Variants in MOB2 observed in about 807,000 individuals in gnomAD.
MOB2 encodes the protein MOB kinase activator 2.
In MOB2, 14 loss-of-function variants were observed where a neutral mutation model predicts 27.4. The ratio of observed to expected loss-of-function variants is 0.51; its 90% CI spans 0.34 to 0.80. The LOEUF is 0.80. MOB2 is among the 30% of genes least tolerant of loss of function. The pLI is 0.01. For synonymous variants in MOB2, 167 were observed against 151.8 expected, an observed-to-expected ratio of 1.10 and a Z score of -0.74; for missense variants, 304 against 354.6, an observed-to-expected ratio of 0.86 and a Z score of 1.15.
At chr11:1,473,854 G>A (rs1363479131) in intron 3 of MOB2, among the ~76,000 whole-genome samples, 4 of 152,240 alleles carry the variant, frequency 2.6e-5, no homozygotes, top group African/African-American at 9.6e-5. Flanking sequence ...TGTGCCCCCA[G>A]CACCCCGGGG....
chr11:1,470,934 CCCA>C (rs1233887863), intron 4 of MOB2, among the ~76,000 whole-genome samples: 1 of 152,270 alleles, frequency 6.6e-6, no homozygotes, highest in Non-Finnish European at 1.5e-5. Flanking sequence ...GGCGTGGAGC[CCCA>C]CCACATCCCA....
intron 1 of MOB2, 46 bp downstream of exon 1, chr11:1,486,401 C>T: frequency 2.1e-6 from 3 of 1,413,768 alleles, no homozygotes; most frequent in Non-Finnish European, 1.9e-6. Context: ...ACAGGGCAGA[C>T]AGATGTGCTA....
In MOB2 at chr11:1,470,049, A is replaced by C; in HGVS notation, c.*123T>G. On this transcript the variant is annotated 3_prime_UTR_variant, in exon 5 of 5. Coordinates refer to ENST00000329957, the MANE Select transcript of MOB2 (RefSeq NM_001172223.3). Reference sequence around the variant, plus strand: ...GTGCCTGTGCAGCCCACACCAGTGCAGCCCGGGGCCCTCTCAGACCTCACC... The same window carrying C: ...GTGCCTGTGCAGCCCACACCAGTGCCGCCCGGGGCCCTCTCAGACCTCACC... 6.5e-7 allele frequency: 1 copy of C among 1,536,898 alleles called. No homozygotes were observed. The highest frequency in any genetic ancestry group is 2.4e-5 in the East Asian group (1 of 40,902).
chr11:1,474,724 G>C (rs972438654), intron 3 of MOB2, among the ~76,000 whole-genome samples: 2 of 152,014 alleles, frequency 1.3e-5, no homozygotes, highest in African/African-American at 4.8e-5. Flanking sequence ...CCATCCACAC[G>C]TTTGTGTGGG....
At chr11:1,483,046 G>A (rs553674703) in intron 1 of MOB2, among the ~76,000 whole-genome samples, 6 of 152,324 alleles carry the variant, frequency 3.9e-5, no homozygotes, top group East Asian at 1.9e-4. Flanking sequence ...CACTCTTCTC[G>A]TCCTTAGTCA....
In MOB2 at chr11:1,470,105, C is replaced by T. The variant is rs1249338516; in HGVS notation, c.*67G>A. The T allele has an allele frequency of 6.5e-7, 1 of 1,548,226 alleles. No homozygotes were observed. On this transcript the variant is annotated 3_prime_UTR_variant, in exon 5 of 5. Coordinates refer to ENST00000329957, the MANE Select transcript of MOB2 (RefSeq NM_001172223.3). Reference sequence around the variant, plus strand: ...CGTGCCCAGCACATGTGTGCACACGCAGATGCAGGAGAGAACACACACCAC... The same window carrying T: ...CGTGCCCAGCACATGTGTGCACACGTAGATGCAGGAGAGAACACACACCAC...
chr11:1,473,709 T>C (rs1422922760), intron 3 of MOB2, among the ~76,000 whole-genome samples: 3 of 152,262 alleles, frequency 2.0e-5, no homozygotes, highest in Non-Finnish European at 2.9e-5. Flanking sequence ...CACCACTGTT[T>C]CCTGTACTTC....
chr11:1,473,578 T>TGTGCGACA (rs1442494722), intron 3 of MOB2: 2 of 152,208 alleles, frequency 1.3e-5, no homozygotes, highest in African/African-American at 4.8e-5. Flanking sequence ...TGGCCACAGG[T>TGTGCGACA]GTGCGACAGG....
At chr11:1,471,467 C>G in intron 3 of MOB2, 48 bp from the exon 4 acceptor site, 1 of 1,572,726 alleles carries the variant, frequency 6.4e-7, no homozygotes, top group Non-Finnish European at 8.7e-7. Flanking sequence ...TGCACACCCA[C>G]CCAGCCACTG....
chr11:1,469,768 C>A lies in MOB2; in HGVS notation c.*404G>T, dbSNP rs1252498913. 1.0e-5 allele frequency: 5 copies of A among 479,736 alleles called. No homozygotes were observed. Among genetic ancestry groups the A allele is most frequent in the Admixed American group, 2.3e-5 (1 of 43,126 alleles). The allele number at this position is 479,736 out of a possible 1,614,324, so 29.7% of individuals were successfully genotyped here. On this transcript the variant is annotated 3_prime_UTR_variant, in exon 5 of 5. Coordinates refer to ENST00000329957, the MANE Select transcript of MOB2 (RefSeq NM_001172223.3). Reference sequence around the variant, plus strand: ...GTCTCTGTGAAAGCAAGCCCCACCCCCAGAGCAGAGCAGAGACCCAGGTCT... The same window carrying A: ...GTCTCTGTGAAAGCAAGCCCCACCCACAGAGCAGAGCAGAGACCCAGGTCT...
chr11:1,478,086 C>T (rs1847871619), intron 3 of MOB2, among the ~76,000 whole-genome samples: 1 of 152,274 alleles, frequency 6.6e-6, no homozygotes, highest in South Asian at 2.1e-4. Context: ...CTCAACCCCA[C>T]ATGCTCTCCA....
Position 1,471,433 on chromosome 11 carries a change from G to C in MOB2, c.366-14C>G. On this transcript the variant is annotated splice_polypyrimidine_tract_variant and intron_variant, in intron 3 of 4. Transcript: ENST00000329957. ...CAGTAGTACTGTCTGTGGAGACAGA[G>C]ACACGGTCAGGGCATGCGCCCGCTG... 1 of 1,606,714 alleles carries C rather than the reference G, an allele frequency of 6.2e-7. No homozygotes were observed. Among genetic ancestry groups the C allele is most frequent in the Admixed American group, 1.7e-5 (1 of 59,696 alleles).
At position 1,471,367 on chromosome 11, in the gene MOB2, G is replaced by A; in HGVS notation, c.418C>T (p.Gln140Ter). 6.2e-7 allele frequency: 1 copy of A among 1,613,578 alleles called. No homozygotes were observed. The highest frequency in any genetic ancestry group is 8.5e-7 in the Non-Finnish European group (1 of 1,179,826). The change falls in exon 4 of 5, where the codon CAG becomes TAG. Residue 140 changes from glutamine to a stop codon, truncating the protein, a stop_gained. Coordinates refer to ENST00000329957, the MANE Select transcript of MOB2 (RefSeq NM_001172223.3). LOFTEE classifies it high-confidence loss of function. The part of the protein sequence containing the change: ...RGKKVKCTAP[Q>*]YVDFVMSSVQ... ...GAGCTCATGACGAAGTCAACGTACT[G>A]TGGGGCCGTGCACTTGACCTTCTTC... is the stretch of plus-strand genomic sequence containing the variant.
intron 3 of MOB2, among the ~76,000 whole-genome samples, chr11:1,476,314 C>T (rs986201757): frequency 1.6e-4 from 25 of 152,210 alleles, no homozygotes; most frequent in African/African-American, 3.1e-4. Flanking sequence ...CTATCTTAGG[C>T]GAGTTCTGAT....
intron 3 of MOB2, among the ~76,000 whole-genome samples, chr11:1,476,621 T>C (rs965767311): frequency 2.6e-5 from 4 of 152,236 alleles, no homozygotes; most frequent in African/African-American, 9.6e-5. Flanking sequence ...GTGCTTTCTG[T>C]TCTTATTTAC....
At position 1,486,359 on chromosome 11, in the gene MOB2, TC is replaced by T. The variant is rs1847969870; in HGVS notation, c.110+87del. The T allele has an allele frequency of 4.8e-6, 5 of 1,045,338 alleles. No homozygotes were observed. In the Admixed American group the frequency reaches 8.2e-5, roughly 17 times the overall value. The allele number at this position is 1,045,338 out of a possible 1,614,324, so 64.8% of individuals were successfully genotyped here. On this transcript the variant is annotated intron_variant, in intron 1 of 4. Coordinates refer to ENST00000329957, the MANE Select transcript of MOB2 (RefSeq NM_001172223.3). The stretch of plus-strand genomic sequence containing the variant: ...GCAGCCACGGACACAGTCCGCCGCC[TC>T]CCCACCCTGACCTCCTTCCTGGGGG...
At chr11:1,482,065 G>A (rs1488944351) in intron 1 of MOB2, among the ~76,000 whole-genome samples, 8 of 152,164 alleles carry the variant, frequency 5.3e-5, no homozygotes, top group Admixed American at 2.0e-4. Flanking sequence ...CCTGACCACC[G>A]GCAGGTGGGC....
chr11:1,480,916 T>A (rs1411702590), intron 1 of MOB2, 31 bp from the exon 2 acceptor site: 5 of 1,548,550 alleles, frequency 3.2e-6, no homozygotes, highest in Non-Finnish European at 4.4e-6. Flanking sequence ...GTGTGGTCAC[T>A]ACACGCCCAT....
chr11:1,478,734 T>C lies in MOB2; in HGVS notation c.365+1659A>G, dbSNP rs116433895. Among the ~76,000 whole-genome samples, 799 of 152,336 alleles carry C rather than the reference T, an allele frequency of 5.2e-3. 8 individuals are homozygous for C. The highest frequency in any genetic ancestry group is 0.018 in the African/African-American group (742 of 41,574). On this transcript the variant is annotated intron_variant, in intron 3 of 4. Transcript: ENST00000329957. ...CTTTGTGGGAAGTTCTCAGCCATTA[T>C]TGCTGCAATGTGTTTCCGGCCCCGC...
Sources: allele counts gnomAD v4.1 joint callset (sites outside exome capture counted in the v4.1 genomes callset), GRCh38; gene constraint gnomAD v4.1.1; transcripts MANE v1.5; gene names NCBI Gene and HGNC (gene_info 2026-07-23, HGNC 2026-07-21).